The following PHLPP1 variants were observed in gnomAD, a reference collection of about 807,000 sequenced individuals.
PHLPP1 encodes the protein PH domain and leucine rich repeat protein phosphatase 1.
Under a neutral mutation model 117.2 loss-of-function variants are expected in PHLPP1, and 42 were observed. That is an observed-to-expected ratio of 0.36 (90% CI 0.28 to 0.46). PHLPP1 has a LOEUF of 0.46. Among genes scored for constraint, PHLPP1 ranks in the 20% least tolerant of loss-of-function variants. PHLPP1 has a pLI of 1.00. For missense variants in PHLPP1, 2,084 were observed against 2,241.9 expected (o/e 0.93, Z 1.42); for synonymous variants, 1,042 against 970.7 (o/e 1.07, Z -1.37).
chr18:62,901,128 A>G (rs1015762147), intron 6 of PHLPP1, among the ~76,000 whole-genome samples: 3 of 152,190 alleles, frequency 2.0e-5, no homozygotes, highest in Non-Finnish European at 2.9e-5. Context: ...TTTTAGTACT[A>G]ATACAATTTC....
At chr18:62,761,122 C>T (rs1912212880) in intron 1 of PHLPP1, among the ~76,000 whole-genome samples, 1 of 152,000 alleles carries the variant, frequency 6.6e-6, no homozygotes, top group South Asian at 2.1e-4. Flanking sequence ...GCCCTGGCCT[C>T]CCAAAGTGCT....
At position 62,717,207 on chromosome 18, in the gene PHLPP1, G is replaced by A; in HGVS notation, c.1524G>A (p.Val508=). 6.2e-7 allele frequency: 1 copy of A among 1,610,442 alleles called. No homozygotes were observed. The highest frequency in any genetic ancestry group is 8.5e-7 in the Non-Finnish European group (1 of 1,177,680). The change falls in exon 1 of 17, where the codon GTG becomes GTA. Residue 508 remains valine (V), a synonymous_variant. Transcript: ENST00000262719. The part of the protein sequence containing the change: ...FQLGFGELWR[V]QEEGMDSEIG... Reference sequence around the variant, plus strand: ...TGGGATTTGGGGAGCTGTGGAGGGTGCAGGAGGAAGGCATGGACTCGGAGA... The same window carrying A: ...TGGGATTTGGGGAGCTGTGGAGGGTACAGGAGGAAGGCATGGACTCGGAGA...
At chr18:62,805,292 C>T (rs1913915742) in intron 1 of PHLPP1, among the ~76,000 whole-genome samples, 1 of 146,352 alleles carries the variant, frequency 6.8e-6, no homozygotes, top group African/African-American at 2.5e-5. Flanking sequence ...GTATAATATA[C>T]ACTGCATAGG....
intron 1 of PHLPP1, among the ~76,000 whole-genome samples, chr18:62,723,259 A>G (rs1910976270): frequency 6.6e-6 from 1 of 152,246 alleles, no homozygotes; most frequent in Non-Finnish European, 1.5e-5. Flanking sequence ...TTAGAAAAAC[A>G]CAAGCAAAAA....
intron 1 of PHLPP1, among the ~76,000 whole-genome samples, chr18:62,805,180 GTATAATATACAC>G (rs1913908867): frequency 4.9e-5 from 7 of 141,668 alleles, no homozygotes; most frequent in Admixed American, 2.8e-4. Flanking sequence ...TACATATACA[GTATAATATACAC>G]TGCATAGGTT....
At chr18:62,731,258 C>T (rs375589372) in intron 1 of PHLPP1, 2 of 152,222 alleles carry the variant, frequency 1.3e-5, no homozygotes, top group African/African-American at 4.8e-5. Context: ...ATTTGCATGT[C>T]ATCCTTGCAC....
intron 14 of PHLPP1, among the ~76,000 whole-genome samples, chr18:62,969,643 A>G (rs1237200644): frequency 6.6e-6 from 1 of 152,210 alleles, no homozygotes; most frequent in Admixed American, 6.5e-5. Flanking sequence ...TGCTTCATAC[A>G]TCTTGAAGCT....
At chr18:62,880,278 T>C (rs1916146181) in intron 4 of PHLPP1, among the ~76,000 whole-genome samples, 1 of 152,204 alleles carries the variant, frequency 6.6e-6, no homozygotes, top group Non-Finnish European at 1.5e-5. Flanking sequence ...GGCTACTGTC[T>C]AAGGACATTT....
intron 4 of PHLPP1, among the ~76,000 whole-genome samples, chr18:62,885,195 A>ATT (rs1463326844): frequency 2.0e-5 from 3 of 152,178 alleles, no homozygotes; most frequent in Non-Finnish European, 2.9e-5. Flanking sequence ...ATTTGTGTAT[A>ATT]TTTGTTTCTT....
At chr18:62,871,801 C>A (rs748659888) in intron 4 of PHLPP1, among the ~76,000 whole-genome samples, 1 of 151,966 alleles carries the variant, frequency 6.6e-6, no homozygotes, top group African/African-American at 2.4e-5. Context: ...CGCGCCACCA[C>A]GCCCAGCAAA....
At chr18:62,950,035 G>A (rs542922) in intron 12 of PHLPP1, among the ~76,000 whole-genome samples, 10 of 152,056 alleles carry the variant, frequency 6.6e-5, no homozygotes, top group Admixed American at 6.5e-5. Flanking sequence ...GTTCTAACCC[G>A]TTTTTGAAGT....
chr18:62,965,837 TAAAAAAAAAAAAAAGAAAG>T (rs1910885383), intron 14 of PHLPP1, among the ~76,000 whole-genome samples: 1 of 135,854 alleles, frequency 7.4e-6, no homozygotes, highest in African/African-American at 2.7e-5. Flanking sequence ...CACTATACTT[TAAAAAAAAAAAAAAGAAAG>T]AAAAAAAAAC....
chr18:62,818,803 G>T (rs1412202157), intron 1 of PHLPP1, among the ~76,000 whole-genome samples: 1 of 152,166 alleles, frequency 6.6e-6, no homozygotes, highest in African/African-American at 2.4e-5. Context: ...CAAGGGGGAG[G>T]TTATAACCAC....
intron 1 of PHLPP1, among the ~76,000 whole-genome samples, chr18:62,797,018 C>T (rs187593466): frequency 6.6e-6 from 1 of 152,058 alleles, no homozygotes; most frequent in Non-Finnish European, 1.5e-5. Flanking sequence ...AAATATTGCC[C>T]AAGTGAGATA....
intron 4 of PHLPP1, among the ~76,000 whole-genome samples, chr18:62,877,761 G>T (rs1317928774): frequency 2.0e-5 from 3 of 152,312 alleles, no homozygotes; most frequent in African/African-American, 7.2e-5. Context: ...AGCAGAGCCG[G>T]CAGGTGGTGC....
chr18:62,828,010 G>A (rs986445596), intron 1 of PHLPP1, among the ~76,000 whole-genome samples: 1 of 25,418 alleles, frequency 3.9e-5, no homozygotes, highest in Non-Finnish European at 8.2e-5. Flanking sequence ...CTTTGCATTT[G>A]TGTGTGTGTG....
intron 10 of PHLPP1, among the ~76,000 whole-genome samples, chr18:62,937,441 G>A (rs1305148830): frequency 6.6e-6 from 1 of 152,192 alleles, no homozygotes; most frequent in Non-Finnish European, 1.5e-5. Context: ...ATTACATGCA[G>A]GTGCCCTGCT....
chr18:62,756,660 A>G (rs2144242111), intron 1 of PHLPP1, among the ~76,000 whole-genome samples: 1 of 152,300 alleles, frequency 6.6e-6, no homozygotes, highest in Admixed American at 6.5e-5. Flanking sequence ...ACGACAGTCT[A>G]GAGAAGAGGG....
chr18:62,839,108 T>C (rs1198120945), intron 3 of PHLPP1, 199 bp downstream of exon 3: 2 of 550,728 alleles, frequency 3.6e-6, no homozygotes, highest in East Asian at 3.0e-5. Flanking sequence ...TGTTTTTTAC[T>C]TGCCCAGTTT....
Sources: allele counts gnomAD v4.1 joint callset (sites outside exome capture counted in the v4.1 genomes callset), GRCh38; gene constraint gnomAD v4.1.1; transcripts MANE v1.5; gene names NCBI Gene and HGNC (gene_info 2026-07-23, HGNC 2026-07-21).